FGF13: variants seen among roughly 807,000 people sequenced by gnomAD.
FGF13 encodes the protein fibroblast growth factor 13.
A neutral mutation model predicts 19.5 loss-of-function variants in FGF13; 2 were observed. The observed-to-expected ratio is 0.10, with a 90% CI of 0.04 to 0.32. The LOEUF is 0.32. FGF13 is among the 10% of genes least tolerant of loss of function. The pLI is 1.00. For synonymous variants in FGF13, 72 were observed against 76.9 expected (o/e 0.94, Z 0.33); for missense variants, 113 against 192.7 (o/e 0.59, Z 2.45).
At chrX:139,150,935 T>C (rs2083929639) in intron 1 of FGF13, among the ~76,000 whole-genome samples, 1 of 110,813 alleles carries the variant, frequency 9.0e-6, no homozygotes, top group Non-Finnish European at 1.9e-5. Context: ...GTCTCATGAC[T>C]GAATCTTTTC....
intron 1 of FGF13, among the ~76,000 whole-genome samples, chrX:139,001,594 C>T (rs957260860): frequency 5.4e-5 from 6 of 111,920 alleles, no homozygotes; most frequent in African/African-American, 2.0e-4. Context: ...AAAAAATTCT[C>T]ATCATCACTG....
chrX:139,042,835 G>A (rs978163269), intron 1 of FGF13, among the ~76,000 whole-genome samples: 2 of 111,678 alleles, frequency 1.8e-5, no homozygotes, highest in African/African-American at 6.5e-5. Flanking sequence ...ATTTTTAAAT[G>A]TATCGTGGAT....
chrX:138,849,493 A>G (rs1276588469), intron 3 of FGF13, among the ~76,000 whole-genome samples: 1 of 112,119 alleles, frequency 8.9e-6, no homozygotes, highest in Non-Finnish European at 1.9e-5. Flanking sequence ...AAAACAAAAG[A>G]CAGGGTGAAA....
Position 138,619,246 on chromosome X carries a change from AAAACAAACAAAC to A in FGF13, c.*13592_*13603del, listed in dbSNP as rs201437633. The A allele has an allele frequency of 8.9e-6, 1 of 112,131 alleles. No individual in the cohort carries two copies. 9.2% of individuals were successfully genotyped at this position (112,131 alleles called of 1,213,427 possible). A position where few individuals can be genotyped will look rare whatever the true frequency, so the allele number is the denominator to read the frequency against. On this transcript the variant is annotated 3_prime_UTR_variant, in exon 5 of 5. Transcript: ENST00000315930. The stretch of plus-strand genomic sequence containing the variant: ...TTCAACAAAGAGATAGAAACTGTGA[AAAACAAACAAAC>A]AAACAAACAAACAAATTCTGAAGCT...
intron 3 of FGF13, among the ~76,000 whole-genome samples, chrX:138,808,698 CAAGACTAATA>C (rs945140080): frequency 9.1e-6 from 1 of 109,992 alleles, no homozygotes; most frequent in African/African-American, 3.4e-5. Context: ...AGATCACTAG[CAAGACTAATA>C]AAGAAGAAAA....
At chrX:138,709,004 C>T in intron 1 of FGF13, 76 bp from the exon 2 acceptor site, 1 of 520,337 alleles carries the variant, frequency 1.9e-6, no homozygotes, top group Non-Finnish European at 3.1e-6. Flanking sequence ...ATTTCAATTT[C>T]TAATTTCATT....
At chrX:138,779,217 AAACAG>A (rs909367405) in intron 3 of FGF13, among the ~76,000 whole-genome samples, 3 of 110,450 alleles carry the variant, frequency 2.7e-5, no homozygotes, top group African/African-American at 9.9e-5. Context: ...GATGGGGAAA[AAACAG>A]AACAGAAAAA....
At chrX:138,647,219 GAAAAAAAAAAA>G (rs10543925) in intron 3 of FGF13, among the ~76,000 whole-genome samples, 16 of 59,119 alleles carry the variant, frequency 2.7e-4, no homozygotes, top group Non-Finnish European at 4.0e-4. Flanking sequence ...CATCTCTGGG[GAAAAAAAAAAA>G]AAAAAAAAAG....
chrX:139,053,288 A>C (rs907489905), intron 1 of FGF13, among the ~76,000 whole-genome samples: 1 of 111,153 alleles, frequency 9.0e-6, no homozygotes, highest in Non-Finnish European at 1.9e-5. Context: ...GCTGGGTCAA[A>C]CGGTAGTTCT....
intron 1 of FGF13, among the ~76,000 whole-genome samples, chrX:139,067,698 G>A (rs971640223): frequency 6.2e-5 from 7 of 112,043 alleles, no homozygotes; most frequent in African/African-American, 2.3e-4. Context: ...CGTGAAAATG[G>A]CCATATATCC....
downstream of FGF13, among the ~76,000 whole-genome samples, chrX:138,853,620 C>CGTGTGCGT (rs1556252493): frequency 1.0e-5 from 1 of 99,901 alleles, no homozygotes; most frequent in African/African-American, 3.6e-5. Context: ...TGTGCGTGTG[C>CGTGTGCGT]GTGTGTGTGT....
Position 138,810,310 on chromosome X carries a change from CTT to C in FGF13, c.217+47200_217+47201del, listed in dbSNP as rs2090912005. Among the ~76,000 whole-genome samples, 8 of 111,731 alleles carry C rather than the reference CTT, an allele frequency of 7.2e-5. No homozygotes were observed. The South Asian group carries it at 3.0e-3, about 42-fold the overall frequency. On this transcript the variant is annotated intron_variant, in intron 3 of 6. Transcript: ENST00000436198. ...TACCACACATCTATAAGCATCTGAT[CTT>C]TGACAAACCTGAGAAAAACAAGCAA...
chrX:138,762,695 T>C (rs183432420), intron 3 of FGF13, among the ~76,000 whole-genome samples: 74 of 111,930 alleles, frequency 6.6e-4, no homozygotes, highest in Non-Finnish European at 1.1e-3. Context: ...TCTCTGTGCC[T>C]AAGTTTTCTT....
intron 1 of FGF13, among the ~76,000 whole-genome samples, chrX:139,005,746 A>C (rs954263934): frequency 1.0e-5 from 1 of 99,793 alleles, no homozygotes; most frequent in African/African-American, 4.2e-5. Context: ...TGAAATAAAC[A>C]AAAAAAAACC....
rs1245076277 is a variant in FGF13 at position 138,625,473 on chromosome X, T to TATATATATATAATATATATATATAC, written c.*7352_*7376dup. The TATATATATATAATATATATATATAC allele has an allele frequency of 4.1e-4, 38 of 92,994 alleles. No individual in the cohort carries two copies. Among genetic ancestry groups the TATATATATATAATATATATATATAC allele is most frequent in the Admixed American group, 1.5e-3 (12 of 8,119 alleles). 7.7% of individuals were successfully genotyped at this position (92,994 alleles called of 1,213,427 possible). A position where few individuals can be genotyped will look rare whatever the true frequency, so the allele number is the denominator to read the frequency against. ...AGAAAGAAAATTATATATATATACA[T>TATATATATATAATATATATATATAC]ATATATATATAATATATATATATAC... On this transcript the variant is annotated 3_prime_UTR_variant, in exon 5 of 5. Transcript: ENST00000315930.
At chrX:139,074,361 C>T (rs1356352638) in intron 1 of FGF13, among the ~76,000 whole-genome samples, 1 of 111,754 alleles carries the variant, frequency 8.9e-6, no homozygotes, top group African/African-American at 3.3e-5. Flanking sequence ...GGAGGTTATG[C>T]GCAGCAGATA....
At chrX:138,839,841 A>C (rs1449661529) in intron 3 of FGF13, among the ~76,000 whole-genome samples, 6 of 111,983 alleles carry the variant, frequency 5.4e-5, no homozygotes, top group Non-Finnish European at 1.1e-4. Context: ...ATAGTTCAAA[A>C]TTCAAATCAC....
At chrX:139,065,495 A>G (rs1181278517) in intron 1 of FGF13, among the ~76,000 whole-genome samples, 6 of 92,491 alleles carry the variant, frequency 6.5e-5, no homozygotes, top group African/African-American at 1.3e-4. Flanking sequence ...AAAAAAAAAA[A>G]GAAAAAGAAA....
intron 1 of FGF13, among the ~76,000 whole-genome samples, chrX:139,123,389 C>T (rs900156304): frequency 9.0e-6 from 1 of 111,688 alleles, no homozygotes; most frequent in Non-Finnish European, 1.9e-5. Flanking sequence ...TTCCCCCTCA[C>T]TCCCGCCATG....
Sources: allele counts gnomAD v4.1 joint callset (sites outside exome capture counted in the v4.1 genomes callset), GRCh38; gene constraint gnomAD v4.1.1; transcripts MANE v1.5; gene names NCBI Gene and HGNC (gene_info 2026-07-23, HGNC 2026-07-21).